The following REV1 variants were observed in gnomAD, a reference collection of about 807,000 sequenced individuals.
REV1 encodes the protein translesion synthesis protein REV1.
Under a neutral mutation model 137.4 loss-of-function variants are expected in REV1, and 42 were observed. The observed-to-expected ratio is 0.31, with a 90% CI of 0.24 to 0.40. The LOEUF is 0.40. Among genes scored for constraint, REV1 ranks in the 10% least tolerant of loss-of-function variants. The pLI, the probability that REV1 is intolerant of heterozygous loss-of-function variation, is 1.00. For missense variants in REV1, 1,282 were observed against 1,490.1 expected, an observed-to-expected ratio of 0.86 and a Z score of 2.30; for synonymous variants, 524 against 519.2, an observed-to-expected ratio of 1.01 and a Z score of -0.12.
chr2:99,404,303 A>ACTCTC (rs990956455), intron 18 of REV1, 141 bp downstream of exon 18: 1 of 692,510 alleles, frequency 1.4e-6, no homozygotes. Context: ...AGACAAGCCC[A>ACTCTC]CTCTCCCCTC....
rs1439311647 is a variant in REV1 at position 99,406,256 on chromosome 2, A to C, written c.2614+69T>G. The C allele has an allele frequency of 2.0e-6, 3 of 1,497,722 alleles. No homozygotes were observed. In the African/African-American group the frequency reaches 4.2e-5, roughly 21 times the overall value. The allele number at this position is 1,497,722 out of a possible 1,614,324, so 92.8% of individuals were successfully genotyped here. ...AATCACATAAAGCTGTGTCAATTTT[A>C]AAACCAACTGCCGTCTTTCCAAGGA... On this transcript the variant is annotated intron_variant, in intron 16 of 22. Coordinates refer to ENST00000258428, the MANE Select transcript of REV1 (RefSeq NM_016316.4).
chr2:99,446,129 C>T (rs559702238), intron 4 of REV1, among the ~76,000 whole-genome samples: 4 of 152,166 alleles, frequency 2.6e-5, no homozygotes, highest in Admixed American at 2.6e-4. Context: ...AGATATATGC[C>T]AACACTGATC....
chr2:99,445,216 C>T (rs909712813), intron 4 of REV1, among the ~76,000 whole-genome samples: 1 of 151,466 alleles, frequency 6.6e-6, no homozygotes. Context: ...GTTGCATAAG[C>T]ACTCTAATAT....
chr2:99,417,700 T>C (rs1575025520), intron 12 of REV1, among the ~76,000 whole-genome samples: 1 of 152,186 alleles, frequency 6.6e-6, no homozygotes, highest in African/African-American at 2.4e-5. Context: ...AGACAACGCA[T>C]TTCTGTTGTT....
chr2:99,471,327 C>T (rs1186958958), intron 1 of REV1, among the ~76,000 whole-genome samples: 1 of 152,114 alleles, frequency 6.6e-6, no homozygotes, highest in Non-Finnish European at 1.5e-5. Flanking sequence ...TCTTCATGAC[C>T]ATTCAATGAG....
At chr2:99,449,843 TGTG>T (rs945155267) in intron 3 of REV1, among the ~76,000 whole-genome samples, 5 of 152,274 alleles carry the variant, frequency 3.3e-5, no homozygotes, top group Non-Finnish European at 5.9e-5. Context: ...ACCTTGATAT[TGTG>T]TTTTTAAAAA....
intron 13 of REV1, among the ~76,000 whole-genome samples, chr2:99,411,591 T>G (rs1216784956): frequency 6.6e-6 from 1 of 151,708 alleles, no homozygotes; most frequent in Non-Finnish European, 1.5e-5. Context: ...GTATTTTTAG[T>G]AGAGACGGGG....
Position 99,400,936 on chromosome 2 carries a change from G to A in REV1, c.*305C>T, listed in dbSNP as rs1675291008. The A allele has an allele frequency of 5.9e-6, 1 of 169,120 alleles. No individual in the cohort carries two copies. The highest frequency in any genetic ancestry group is 1.3e-5 in the Non-Finnish European group (1 of 78,904). 10.5% of individuals were successfully genotyped at this position (169,120 alleles called of 1,614,324 possible). Reference sequence around the variant, plus strand: ...AGTTTTTAAGGATTCACAAAAAGGAGCCTGTACAAAATATACATACAGTTC... The same window carrying A: ...AGTTTTTAAGGATTCACAAAAAGGAACCTGTACAAAATATACATACAGTTC... On this transcript the variant is annotated 3_prime_UTR_variant, in exon 23 of 23. Transcript: ENST00000258428.
intron 8 of REV1, 51 bp downstream of exon 8, chr2:99,434,281 C>A: frequency 8.0e-7 from 1 of 1,247,944 alleles, no homozygotes; most frequent in South Asian, 1.5e-5. Flanking sequence ...ATAGCAAAAT[C>A]CAGAAGCCAT....
intron 8 of REV1, among the ~76,000 whole-genome samples, chr2:99,433,471 A>C (rs1040467559): frequency 2.6e-5 from 4 of 152,212 alleles, no homozygotes; most frequent in African/African-American, 9.6e-5. Flanking sequence ...TATAATCCCA[A>C]AAAAGGTCCT....
At position 99,421,671 on chromosome 2, in the gene REV1, A is replaced by C. The variant is rs1329717109; in HGVS notation, c.1677-18T>G. On this transcript the variant is annotated intron_variant, in intron 10 of 22. Coordinates refer to ENST00000258428, the MANE Select transcript of REV1 (RefSeq NM_016316.4). ...GAGTGTAGCTATCAACACAGAGCAA[A>C]GGCAACGAATCACAGCCACAGCCAC... 1 of 1,600,406 alleles carries C rather than the reference A, an allele frequency of 6.2e-7. No individual in the cohort carries two copies. The highest frequency in any genetic ancestry group is 2.3e-5 in the East Asian group (1 of 43,864).
At chr2:99,406,172 C>A (rs1676268791) in intron 16 of REV1, 66 bp from the exon 17 acceptor site, 1 of 1,418,132 alleles carries the variant, frequency 7.1e-7, no homozygotes, top group South Asian at 1.5e-5. Flanking sequence ...ATCCTCTGTC[C>A]ATTACAAATA....
intron 6 of REV1, chr2:99,436,614 C>A (rs939949649): frequency 1.3e-5 from 2 of 152,196 alleles, no homozygotes; most frequent in Admixed American, 6.5e-5. Flanking sequence ...TGACATATAC[C>A]ACATTTAAGG....
intron 1 of REV1, among the ~76,000 whole-genome samples, chr2:99,471,867 C>T (rs548475924): frequency 4.0e-4 from 58 of 144,734 alleles, no homozygotes; most frequent in African/African-American, 1.4e-3. Context: ...TACCACCTCA[C>T]ACCCAGCAGG....
At chr2:99,442,563 A>G in intron 4 of REV1, 94 bp from the exon 5 acceptor site, 3 of 1,144,474 alleles carry the variant, frequency 2.6e-6, no homozygotes, top group East Asian at 4.7e-5. Context: ...ACAGTATTTC[A>G]CCAACAACAG....
chr2:99,410,429 G>A (rs953546434), intron 14 of REV1, among the ~76,000 whole-genome samples: 4 of 152,194 alleles, frequency 2.6e-5, no homozygotes, highest in Admixed American at 2.6e-4. Context: ...TGTCCATGCA[G>A]TAAAGTTAAC....
chr2:99,486,323 A>G (rs937123854), intron 1 of REV1, among the ~76,000 whole-genome samples: 1 of 152,090 alleles, frequency 6.6e-6, no homozygotes, highest in African/African-American at 2.4e-5. Context: ...AGGTCAGGAG[A>G]CCGACACCAT....
Position 99,449,426 on chromosome 2 carries a change from GT to G in REV1, c.259del (p.Thr87GlnfsTer17), listed in dbSNP as rs763740232. On this transcript the variant is annotated frameshift_variant, in exon 4 of 23. Transcript: ENST00000258428. LOFTEE classifies it high-confidence loss of function. ...QYHVYYSRSK[T>X]THIIATNLPN... ...AAGATTTGTGGCAATAATATGTGTT[GT>G]TTTAGATCTGGAATAATATACATGG... 2 of 1,569,958 alleles carry G rather than the reference GT, an allele frequency of 1.3e-6. No homozygotes were observed. The highest frequency in any genetic ancestry group is 2.4e-5 in the East Asian group (1 of 42,410).
chr2:99,472,285 A>C (rs1334696179), intron 1 of REV1, among the ~76,000 whole-genome samples: 1 of 152,250 alleles, frequency 6.6e-6, no homozygotes, highest in Non-Finnish European at 1.5e-5. Flanking sequence ...GCATTATGGT[A>C]AGTGAAATAA....
Sources: allele counts gnomAD v4.1 joint callset (sites outside exome capture counted in the v4.1 genomes callset), GRCh38; gene constraint gnomAD v4.1.1; transcripts MANE v1.5; gene names NCBI Gene and HGNC (gene_info 2026-07-23, HGNC 2026-07-21).